TOP6BL: variants seen among roughly 807,000 people sequenced by gnomAD.
The protein encoded by TOP6BL is type 2 DNA topoisomerase 6 subunit B-like.
the TOP6BL span, among the ~76,000 whole-genome samples, chr11:66,769,762 A>G: frequency 5.3e-5 from 8 of 151,304 alleles, no homozygotes; most frequent in Admixed American, 5.3e-4. Context: ...ATTTTTTGAG[A>G]CAGAGTCTCA....
chr11:66,744,815 G>A, the TOP6BL span: 11 of 1,294,416 alleles, frequency 8.5e-6, no homozygotes, highest in African/African-American at 4.8e-5. Context: ...CCGGGCTGAG[G>A]AGGGGGCGGC....
the TOP6BL span, among the ~76,000 whole-genome samples, chr11:66,797,980 C>T: frequency 6.6e-6 from 1 of 152,204 alleles, no homozygotes; most frequent in Non-Finnish European, 1.5e-5. Flanking sequence ...TTTGTGCACT[C>T]GCTCACTTAA....
the TOP6BL span, among the ~76,000 whole-genome samples, chr11:66,834,628 C>T: frequency 0.51 from 77,468 of 152,006 alleles, 22,174 homozygotes; most frequent in African/African-American, 0.79. Flanking sequence ...TCAGAGTGAA[C>T]ATATTCAGGG....
At chr11:66,803,930 A>T in the TOP6BL span, 1 of 1,357,018 alleles carries the variant, frequency 7.4e-7, no homozygotes, top group South Asian at 1.4e-5. Context: ...ATAATTTTGA[A>T]TGCTCTTTTA....
At chr11:66,842,539 G>T in the TOP6BL span, among the ~76,000 whole-genome samples, 1 of 152,168 alleles carries the variant, frequency 6.6e-6, no homozygotes, top group African/African-American at 2.4e-5. Flanking sequence ...GGCAGGGAGG[G>T]GAGCTTGTCA....
At chr11:66,765,735 C>T in the TOP6BL span, among the ~76,000 whole-genome samples, 1 of 152,288 alleles carries the variant, frequency 6.6e-6, no homozygotes, top group South Asian at 2.1e-4. Context: ...AGGCCTGTCT[C>T]GAACTCCTAA....
the TOP6BL span, among the ~76,000 whole-genome samples, chr11:66,841,026 C>G: frequency 6.6e-6 from 1 of 152,076 alleles, no homozygotes; most frequent in African/African-American, 2.4e-5. Flanking sequence ...TTTCCTCTCT[C>G]CTGACTAAAG....
chr11:66,789,360 T>C, the TOP6BL span, among the ~76,000 whole-genome samples: 3 of 152,218 alleles, frequency 2.0e-5, no homozygotes, highest in Non-Finnish European at 4.4e-5. Context: ...TCATCTCCTA[T>C]TTTCCTTCCT....
chr11:66,749,162 T>G, the TOP6BL span, among the ~76,000 whole-genome samples: 1 of 152,134 alleles, frequency 6.6e-6, no homozygotes, highest in African/African-American at 2.4e-5. Flanking sequence ...GATTGGATAG[T>G]GAACTAGGCT....
At chr11:66,762,695 T>C in the TOP6BL span, among the ~76,000 whole-genome samples, 7 of 152,164 alleles carry the variant, frequency 4.6e-5, no homozygotes, top group Non-Finnish European at 1.0e-4. Flanking sequence ...GGCCTCGAAC[T>C]CCTGATCTCG....
the TOP6BL span, among the ~76,000 whole-genome samples, chr11:66,757,805 C>G: frequency 6.6e-6 from 1 of 152,132 alleles, no homozygotes; most frequent in Admixed American, 6.5e-5. Context: ...CCAGGCTGGT[C>G]TCGAACTCCT....
chr11:66,768,719 C>A, the TOP6BL span, among the ~76,000 whole-genome samples: 1 of 144,376 alleles, frequency 6.9e-6, no homozygotes, highest in South Asian at 2.2e-4. Flanking sequence ...TTCCTTGTTA[C>A]ATTTATCTAA....
the TOP6BL span, among the ~76,000 whole-genome samples, chr11:66,814,571 C>A: frequency 6.6e-6 from 1 of 152,002 alleles, no homozygotes; most frequent in Non-Finnish European, 1.5e-5. Context: ...CCTGGCATTG[C>A]ATGTTGATAC....
At chr11:66,799,852 G>GGCAA in the TOP6BL span, among the ~76,000 whole-genome samples, 16 of 151,890 alleles carry the variant, frequency 1.1e-4, no homozygotes, top group Non-Finnish European at 2.2e-4. Context: ...GGCTGAGGCA[G>GGCAA]GAGGATCACT....
chr11:66,821,210 T>C, the TOP6BL span, among the ~76,000 whole-genome samples: 2 of 152,176 alleles, frequency 1.3e-5, no homozygotes, highest in African/African-American at 4.8e-5. Context: ...TCTCAGTCGT[T>C]GTACTCAGTA....
At chr11:66,744,840 C>CGGT in the TOP6BL span, 2 of 1,329,398 alleles carry the variant, frequency 1.5e-6, no homozygotes, top group Non-Finnish European at 9.6e-7. Flanking sequence ...GCGGCGGCGG[C>CGGT]GGCGGGCGGG....
the TOP6BL span, among the ~76,000 whole-genome samples, chr11:66,785,622 C>G: frequency 3.1e-4 from 47 of 152,262 alleles, 1 homozygote; most frequent in Middle Eastern, 0.017. Flanking sequence ...TGGTAAGATG[C>G]AAAGCTCTTG....
At chr11:66,806,519 G>T in the TOP6BL span, among the ~76,000 whole-genome samples, 1 of 152,316 alleles carries the variant, frequency 6.6e-6, no homozygotes, top group Middle Eastern at 3.4e-3. Flanking sequence ...TGTAATCCCA[G>T]CACTTTGGGA....
At chr11:66,809,435 T>C in the TOP6BL span, among the ~76,000 whole-genome samples, 1 of 152,220 alleles carries the variant, frequency 6.6e-6, no homozygotes, top group Non-Finnish European at 1.5e-5. Flanking sequence ...TATATTATGT[T>C]AAAATTATAA....
Sources: allele counts gnomAD v4.1 joint callset (sites outside exome capture counted in the v4.1 genomes callset), GRCh38; gene constraint gnomAD v4.1.1; transcripts MANE v1.5; gene names NCBI Gene and HGNC (gene_info 2026-07-23, HGNC 2026-07-21).